The following AFF1 variants were observed in gnomAD, a reference collection of about 807,000 sequenced individuals.
AFF1 encodes ALF transcription elongation factor 1, also known as AF4/FMR2 family member 1.
A neutral mutation model predicts 121.7 loss-of-function variants in AFF1; 48 were observed. The ratio of observed to expected loss-of-function variants is 0.39; its 90% CI spans 0.31 to 0.50. The LOEUF (loss-of-function observed/expected upper bound fraction) is 0.50, where lower values mean the gene tolerates loss of function less well. Ranked by LOEUF, AFF1 falls within the 20% of genes least tolerant of loss-of-function variation. AFF1 has a pLI of 0.76. For missense variants in AFF1, 1,523 were observed against 1,511.7 expected (o/e 1.01, Z -0.12); for synonymous variants, 613 against 563.0 (o/e 1.09, Z -1.26).
At chr4:87,053,396 G>C (rs1038240950) in intron 4 of AFF1, among the ~76,000 whole-genome samples, 1 of 152,164 alleles carries the variant, frequency 6.6e-6, no homozygotes, top group African/African-American at 2.4e-5. Flanking sequence ...TAAACTACCA[G>C]CCTAACAACT....
intron 3 of AFF1, 114 bp downstream of exon 3, chr4:87,046,400 T>C (rs888095537): frequency 5.3e-6 from 7 of 1,309,350 alleles, no homozygotes; most frequent in Non-Finnish European, 5.2e-6. Context: ...GAAAATAAGA[T>C]AACTTATTCT....
Position 87,139,103 on chromosome 4 carries a change from A to C in AFF1, c.*3402A>C, listed in dbSNP as rs1729522823. On this transcript the variant is annotated 3_prime_UTR_variant, in exon 21 of 21. Coordinates refer to ENST00000395146, the MANE Select transcript of AFF1 (RefSeq NM_001166693.3). ...CCATTGTGTCCTCTACAATTAACAA[A>C]ACTTATCTCTGATATACAAAGGGAT... 4.4e-6 allele frequency: 1 copy of C among 227,896 alleles called. No individual in the cohort carries two copies. The highest frequency in any genetic ancestry group is 8.7e-6 in the Non-Finnish European group (1 of 114,760). The allele number at this position is 227,896 out of a possible 1,614,324, so 14.1% of individuals were successfully genotyped here.
Position 87,138,005 on chromosome 4 carries a change from TTCAGTGGCCTTAC to T in AFF1, c.*2307_*2319del, listed in dbSNP as rs1320191465. On this transcript the variant is annotated 3_prime_UTR_variant, in exon 21 of 21. Coordinates refer to ENST00000395146, the MANE Select transcript of AFF1 (RefSeq NM_001166693.3). Reference sequence around the variant, plus strand: ...AGCCAGCTCTAAAACAGATTGCTTTTTCAGTGGCCTTACTCTTTGTGGGTTTTTTTTTTTTTCT... The same window carrying T: ...AGCCAGCTCTAAAACAGATTGCTTTTTCTTTGTGGGTTTTTTTTTTTTTCT... 1 of 230,432 alleles carries T rather than the reference TTCAGTGGCCTTAC, an allele frequency of 4.3e-6. No individual in the cohort carries two copies. The highest frequency in any genetic ancestry group is 2.2e-5 in the African/African-American group (1 of 44,666). 14.3% of individuals were successfully genotyped at this position (230,432 alleles called of 1,614,324 possible).
rs761416123 is a variant in AFF1 at position 87,114,969 on chromosome 4, C to G, written c.2136C>G (p.Pro712=). 13 of 1,613,380 alleles carry G rather than the reference C, an allele frequency of 8.1e-6. No individual in the cohort carries two copies. The highest frequency in any genetic ancestry group is 7.7e-5 in the South Asian group (7 of 90,982). Reference sequence around the variant, plus strand: ...CCCCTGAGCACTTTGCTCTTGTTCCCCTGACTGAGAGCCAGGGCCCACCCC... The same window carrying G: ...CCCCTGAGCACTTTGCTCTTGTTCCGCTGACTGAGAGCCAGGGCCCACCCC... The part of the protein sequence containing the change: ...DRTPEHFALV[P]LTESQGPPHS... Residue 712 remains proline (P), a synonymous_variant, in exon 12 of 21, where the codon CCC becomes CCG. Transcript: ENST00000395146.
At chr4:87,108,430 G>A in intron 11 of AFF1, 115 bp downstream of exon 11, 2 of 1,161,054 alleles carry the variant, frequency 1.7e-6, no homozygotes, top group Middle Eastern at 3.0e-4. Context: ...CTGTCCCATG[G>A]GGCAATGCTT....
intron 2 of AFF1, among the ~76,000 whole-genome samples, chr4:86,960,636 G>A (rs998549045): frequency 4.6e-5 from 7 of 152,210 alleles, no homozygotes; most frequent in African/African-American, 1.7e-4. Flanking sequence ...TTATGGTGTT[G>A]AAAGCAATGC....
intron 2 of AFF1, among the ~76,000 whole-genome samples, chr4:87,024,516 T>G (rs115384293): frequency 0.014 from 2,061 of 152,196 alleles, 55 homozygotes; most frequent in African/African-American, 0.047. Context: ...CAGCAATATT[T>G]GGGACAGGGG....
intron 2 of AFF1, among the ~76,000 whole-genome samples, chr4:86,950,810 T>G (rs1721251138): frequency 6.6e-6 from 1 of 152,222 alleles, no homozygotes; most frequent in Non-Finnish European, 1.5e-5. Flanking sequence ...GTCTTTAGGT[T>G]TATTCATAAT....
At chr4:87,103,209 A>G (rs1414925592) in intron 8 of AFF1, among the ~76,000 whole-genome samples, 2 of 152,202 alleles carry the variant, frequency 1.3e-5, no homozygotes, top group Non-Finnish European at 2.9e-5. Context: ...TTTCTCCTCC[A>G]ATAATAGCAT....
At chr4:87,101,518 G>A (rs544424904) in intron 8 of AFF1, among the ~76,000 whole-genome samples, 2 of 152,092 alleles carry the variant, frequency 1.3e-5, no homozygotes, top group South Asian at 2.1e-4. Context: ...CGAAGAGTTT[G>A]CAGTGAGCCA....
At chr4:87,026,431 TA>T (rs1204034384) in intron 2 of AFF1, among the ~76,000 whole-genome samples, 1 of 152,136 alleles carries the variant, frequency 6.6e-6, no homozygotes, top group Non-Finnish European at 1.5e-5. Context: ...ACTGTGATGG[TA>T]ACCAAAATGT....
intron 2 of AFF1, among the ~76,000 whole-genome samples, chr4:86,965,450 T>C (rs1722469547): frequency 6.6e-6 from 1 of 152,208 alleles, no homozygotes; most frequent in African/African-American, 2.4e-5. Flanking sequence ...CCTCTTCTCT[T>C]ATCCACCTAT....
intron 2 of AFF1, among the ~76,000 whole-genome samples, chr4:87,030,345 C>G (rs1232663193): frequency 6.6e-6 from 1 of 152,188 alleles, no homozygotes; most frequent in Non-Finnish European, 1.5e-5. Context: ...TCCAATGAAT[C>G]TTTATTTACA....
intron 2 of AFF1, among the ~76,000 whole-genome samples, chr4:87,005,379 C>A (rs1356529239): frequency 6.6e-6 from 1 of 152,244 alleles, no homozygotes; most frequent in Non-Finnish European, 1.5e-5. Flanking sequence ...TCAGGAAAGT[C>A]TTTAAGTATT....
intron 2 of AFF1, among the ~76,000 whole-genome samples, chr4:86,981,741 CTG>C (rs146534945): frequency 0.074 from 11,254 of 152,268 alleles, 647 homozygotes; most frequent in African/African-American, 0.15. Flanking sequence ...AGTTTATTAA[CTG>C]TGCAATTTCA....
chr4:87,124,673 A>T (rs1480322619), intron 12 of AFF1, among the ~76,000 whole-genome samples: 1 of 152,236 alleles, frequency 6.6e-6, no homozygotes, highest in East Asian at 1.9e-4. Flanking sequence ...GTATTATTTG[A>T]TGTAAATATG....
At chr4:87,104,466 A>G (rs1725713587) in intron 8 of AFF1, among the ~76,000 whole-genome samples, 1 of 152,214 alleles carries the variant, frequency 6.6e-6, no homozygotes, top group Non-Finnish European at 1.5e-5. Context: ...AGTTGCTAAC[A>G]GTTTTCATTT....
At chr4:86,996,596 G>C (rs1302457770) in intron 2 of AFF1, among the ~76,000 whole-genome samples, 1 of 151,140 alleles carries the variant, frequency 6.6e-6, no homozygotes, top group African/African-American at 2.4e-5. Flanking sequence ...GCGGAAGGCC[G>C]CAGGGTCCTC....
In AFF1 at chr4:87,017,748, C is replaced by T. The variant is rs541801194; in HGVS notation, c.39-28418C>T. Among the ~76,000 whole-genome samples the T allele has an allele frequency of 1.2e-3, 189 of 152,300 alleles. 10 individuals are homozygous for T. The South Asian group carries it at 0.037, about 30-fold the overall frequency. On this transcript the variant is annotated intron_variant, in intron 2 of 20. Transcript: ENST00000395146. ...TCTAAGTGAAGCGTCTGGAAATTAT[C>T]GTTCAGACTTGGGTCCTGCCTGGGG...
Sources: gnomAD v4.1 joint callset for allele counts (sites outside exome capture counted in the v4.1 genomes callset) on GRCh38, gnomAD v4.1.1 for gene constraint, MANE v1.5 for transcripts, NCBI Gene and HGNC (gene_info 2026-07-23, HGNC 2026-07-21) for gene names.